The following SGCZ variants were observed in gnomAD, a reference collection of about 807,000 sequenced individuals.
SGCZ encodes the protein zeta-sarcoglycan.
A neutral mutation model predicts 41.3 loss-of-function variants in SGCZ; 40 were observed. The ratio of observed to expected loss-of-function variants is 0.97; its 90% CI spans 0.75 to 1.26. SGCZ has a LOEUF of 1.26. Ranked by LOEUF, SGCZ falls within the 50% of genes most tolerant of loss-of-function variation. SGCZ has a pLI of 0.00. For missense variants in SGCZ, 552 were observed against 369.8 expected, an observed-to-expected ratio of 1.49 and a Z score of -4.04; for synonymous variants, 206 against 137.5, an observed-to-expected ratio of 1.50 and a Z score of -3.49.
chr8:14,162,111 T>C (rs999170877), intron 5 of SGCZ, among the ~76,000 whole-genome samples: 1 of 152,158 alleles, frequency 6.6e-6, no homozygotes, highest in Non-Finnish European at 1.5e-5. Flanking sequence ...GCATCGGGGC[T>C]ACTAAGCAAA....
chr8:14,097,656 T>G (rs1801886772), intron 7 of SGCZ, among the ~76,000 whole-genome samples: 1 of 152,122 alleles, frequency 6.6e-6, no homozygotes, highest in Non-Finnish European at 1.5e-5. Flanking sequence ...TAATTTTCTG[T>G]CTTGTTGATC....
chr8:15,189,762 G>T (rs887551048), intron 1 of SGCZ, among the ~76,000 whole-genome samples: 1 of 152,024 alleles, frequency 6.6e-6, no homozygotes, highest in African/African-American at 2.4e-5. Flanking sequence ...TGTTGCCCAG[G>T]CTGGTGTTGA....
intron 4 of SGCZ, among the ~76,000 whole-genome samples, chr8:14,223,065 C>T (rs1806257858): frequency 6.6e-6 from 1 of 152,030 alleles, no homozygotes; most frequent in African/African-American, 2.4e-5. Flanking sequence ...CTACCTCGGC[C>T]TCCCAAAGTG....
At chr8:14,643,814 T>C (rs1807112151) in intron 1 of SGCZ, among the ~76,000 whole-genome samples, 1 of 151,736 alleles carries the variant, frequency 6.6e-6, no homozygotes, top group Admixed American at 6.6e-5. Context: ...AGGTTGCCTC[T>C]ATCATGAGTC....
intron 1 of SGCZ, among the ~76,000 whole-genome samples, chr8:14,786,700 T>C (rs756269583): frequency 6.6e-6 from 1 of 152,128 alleles, no homozygotes; most frequent in Non-Finnish European, 1.5e-5. Context: ...AATTGGAGTT[T>C]ATTTTTAGAA....
chr8:14,283,334 T>A (rs1262888791), intron 3 of SGCZ, among the ~76,000 whole-genome samples: 1 of 152,180 alleles, frequency 6.6e-6, no homozygotes, highest in Non-Finnish European at 1.5e-5. Flanking sequence ...CTCCATCCAC[T>A]TTCCTCTGTC....
Position 14,990,233 on chromosome 8 carries a change from T to G in SGCZ, c.39+247352A>C, listed in dbSNP as rs148379753. Among the ~76,000 whole-genome samples, 1,472 of 152,074 alleles carry G rather than the reference T, an allele frequency of 9.7e-3. 14 individuals are homozygous for G. Among genetic ancestry groups the G allele is most frequent in the South Asian group, 0.025 (122 of 4,818 alleles). On this transcript the variant is annotated intron_variant, in intron 1 of 7. Transcript: ENST00000382080. ...AAAATCAAAAATATAAACCCAAAATTTAGTGTGATTTAGAGTAAGAGGCAA... is the reference window on the plus strand; with the variant it reads ...AAAATCAAAAATATAAACCCAAAATGTAGTGTGATTTAGAGTAAGAGGCAA...
At chr8:14,656,431 C>A (rs1356770965) in intron 1 of SGCZ, among the ~76,000 whole-genome samples, 3 of 141,732 alleles carry the variant, frequency 2.1e-5, no homozygotes, top group African/African-American at 7.9e-5. Flanking sequence ...CTTCCTTCCT[C>A]CCCCCTCTAT....
intron 1 of SGCZ, among the ~76,000 whole-genome samples, chr8:15,230,061 T>A (rs961032964): frequency 6.6e-6 from 1 of 152,066 alleles, no homozygotes; most frequent in Admixed American, 6.6e-5. Context: ...AACCGGAATG[T>A]GCATGAAGAG....
At chr8:14,359,471 C>T (rs59651232) in intron 2 of SGCZ, among the ~76,000 whole-genome samples, 6,606 of 151,884 alleles carry the variant, frequency 0.043, 471 homozygotes, top group African/African-American at 0.15. Context: ...ACAAACCATA[C>T]GTTATGCCAC....
At chr8:15,107,175 A>C (rs1806861147) in intron 1 of SGCZ, among the ~76,000 whole-genome samples, 1 of 152,118 alleles carries the variant, frequency 6.6e-6, no homozygotes, top group African/African-American at 2.4e-5. Flanking sequence ...TCAAGTTTTA[A>C]AAGTTTTGTT....
chr8:14,476,366 G>C (rs183250504), intron 2 of SGCZ, among the ~76,000 whole-genome samples: 1 of 152,120 alleles, frequency 6.6e-6, no homozygotes, highest in African/African-American at 2.4e-5. Context: ...TAATGAATAT[G>C]AGCTGATTCC....
intron 2 of SGCZ, among the ~76,000 whole-genome samples, chr8:14,436,253 T>C (rs1390270935): frequency 2.0e-5 from 3 of 152,170 alleles, no homozygotes; most frequent in Admixed American, 6.5e-5. Flanking sequence ...ATGAGCCTCT[T>C]GAATCACAGA....
At chr8:14,814,327 G>A (rs1193598226) in intron 1 of SGCZ, among the ~76,000 whole-genome samples, 1 of 152,062 alleles carries the variant, frequency 6.6e-6, no homozygotes, top group Admixed American at 6.6e-5. Flanking sequence ...TCTAAAACTA[G>A]GGCCCTGTTT....
chr8:14,627,772 T>A (rs527896568), intron 1 of SGCZ, among the ~76,000 whole-genome samples: 1 of 152,026 alleles, frequency 6.6e-6, no homozygotes, highest in Admixed American at 6.6e-5. Context: ...ACTGCAATCA[T>A]GAATACGTCT....
In SGCZ at chr8:14,148,575, G is replaced by A. The variant is rs186410217; in HGVS notation, c.547+16005C>T. On this transcript the variant is annotated intron_variant, in intron 5 of 7. Coordinates refer to ENST00000382080, the MANE Select transcript of SGCZ (RefSeq NM_139167.4). Reference sequence around the variant, plus strand: ...ACCAGTAAAGAAAAGCCTGGGACCCGATGGCTTCACTGCTGAATCCAACCA... The same window carrying A: ...ACCAGTAAAGAAAAGCCTGGGACCCAATGGCTTCACTGCTGAATCCAACCA... Among the ~76,000 whole-genome samples, 335 of 152,106 alleles carry A rather than the reference G, an allele frequency of 2.2e-3. 1 individual carries two copies. Among genetic ancestry groups the A allele is most frequent in the African/African-American group, 7.3e-3 (305 of 41,524 alleles).
chr8:15,029,109 C>A (rs561742851), intron 1 of SGCZ, among the ~76,000 whole-genome samples: 1 of 152,174 alleles, frequency 6.6e-6, no homozygotes, highest in Non-Finnish European at 1.5e-5. Flanking sequence ...TGGAACGAAT[C>A]TTGATTTGTA....
chr8:14,551,299 C>T (rs1803801347), intron 2 of SGCZ, among the ~76,000 whole-genome samples: 1 of 142,352 alleles, frequency 7.0e-6, no homozygotes, highest in South Asian at 2.2e-4. Context: ...CAGTAGAATG[C>T]CTGGATTTGA....
chr8:14,431,649 C>G (rs2117337839), intron 2 of SGCZ, among the ~76,000 whole-genome samples: 1 of 152,202 alleles, frequency 6.6e-6, no homozygotes, highest in Non-Finnish European at 1.5e-5. Flanking sequence ...TGACAAAGAA[C>G]CCAAAATCAA....
Sources: gnomAD v4.1 joint callset for allele counts (sites outside exome capture counted in the v4.1 genomes callset) on GRCh38, gnomAD v4.1.1 for gene constraint, MANE v1.5 for transcripts, NCBI Gene and HGNC (gene_info 2026-07-23, HGNC 2026-07-21) for gene names.